MIPOL1: variants seen among roughly 807,000 people sequenced by gnomAD.
MIPOL1 encodes mirror-image polydactyly gene 1 protein.
Under a neutral mutation model 60.9 loss-of-function variants are expected in MIPOL1, and 57 were observed. The observed-to-expected ratio is 0.94, with a 90% CI of 0.76 to 1.17. MIPOL1 has a LOEUF of 1.17. Ranked by LOEUF, MIPOL1 falls within the 50% of genes most tolerant of loss-of-function variation. The probability of loss-of-function intolerance (pLI) is 0.00; values close to 1 mark genes in which losing one functional copy is unlikely to be tolerated. For synonymous variants in MIPOL1, 179 were observed against 168.8 expected (o/e 1.06, Z -0.47); for missense variants, 551 against 511.6 (o/e 1.08, Z -0.74).
chr14:37,355,883 G>T (rs945910681), intron 9 of MIPOL1, among the ~76,000 whole-genome samples: 47 of 148,234 alleles, frequency 3.2e-4, no homozygotes, highest in Non-Finnish European at 1.2e-4. Flanking sequence ...TAATTTGATC[G>T]TCTGAAGCCT....
chr14:37,413,493 TA>T (rs763120034), intron 10 of MIPOL1, among the ~76,000 whole-genome samples: 51 of 152,264 alleles, frequency 3.3e-4, no homozygotes, highest in Non-Finnish European at 5.7e-4. Flanking sequence ...CTCTTCCACT[TA>T]AAAGGATACT....
At chr14:37,453,563 G>C (rs1244746822) in intron 11 of MIPOL1, among the ~76,000 whole-genome samples, 1 of 151,862 alleles carries the variant, frequency 6.6e-6, no homozygotes, top group African/African-American at 2.4e-5. Context: ...GACCTGTTTA[G>C]CTCCATTTTT....
chr14:37,334,531 C>A (rs1435203976), intron 9 of MIPOL1, among the ~76,000 whole-genome samples: 1 of 151,842 alleles, frequency 6.6e-6, no homozygotes, highest in Non-Finnish European at 1.5e-5. Context: ...ATTCATATAC[C>A]ATTCATACCC....
intron 11 of MIPOL1, among the ~76,000 whole-genome samples, chr14:37,474,969 A>AT (rs1407360449): frequency 6.6e-6 from 1 of 150,702 alleles, no homozygotes; most frequent in East Asian, 1.9e-4. Flanking sequence ...TTTTATTTTT[A>AT]TTTTTATTTT....
chr14:37,270,537 G>C lies in MIPOL1; in HGVS notation c.493+12G>C. 2.1e-6 allele frequency: 3 copies of C among 1,441,018 alleles called. No homozygotes were observed. Among genetic ancestry groups the C allele is most frequent in the Non-Finnish European group, 2.9e-6 (3 of 1,042,040 alleles). 89.3% of individuals were successfully genotyped at this position (1,441,018 alleles called of 1,614,324 possible). A position where few individuals can be genotyped will look rare whatever the true frequency, so the allele number is the denominator to read the frequency against. Reference sequence around the variant, plus strand: ...TGAAAAGACAGCAGGTATAGTAGAGGAGTATTAACACATGGCTTGAAGAAT... The same window carrying C: ...TGAAAAGACAGCAGGTATAGTAGAGCAGTATTAACACATGGCTTGAAGAAT... On this transcript the variant is annotated intron_variant, in intron 6 of 12. Coordinates refer to ENST00000684589, the MANE Select transcript of MIPOL1 (RefSeq NM_001388067.1).
intron 1 of MIPOL1, among the ~76,000 whole-genome samples, chr14:37,235,510 T>C (rs1594645420): frequency 6.6e-6 from 1 of 152,162 alleles, no homozygotes; most frequent in Non-Finnish European, 1.5e-5. Context: ...CTAATTCTTA[T>C]AATAATAGTC....
intron 9 of MIPOL1, among the ~76,000 whole-genome samples, chr14:37,310,322 G>A (rs996531221): frequency 2.6e-5 from 4 of 152,074 alleles, no homozygotes; most frequent in Admixed American, 2.6e-4. Context: ...GTGTTGCCTG[G>A]CAACTTCTTG....
At chr14:37,226,204 T>C (rs1969704842) in intron 1 of MIPOL1, among the ~76,000 whole-genome samples, 1 of 152,190 alleles carries the variant, frequency 6.6e-6, no homozygotes, top group Non-Finnish European at 1.5e-5. Flanking sequence ...TATTACCCAG[T>C]TCCAAAGTTG....
intron 11 of MIPOL1, among the ~76,000 whole-genome samples, chr14:37,484,182 G>T (rs886935829): frequency 6.6e-6 from 1 of 151,946 alleles, no homozygotes; most frequent in Non-Finnish European, 1.5e-5. Flanking sequence ...CATTTATGTG[G>T]GTTTTCCCCA....
intron 9 of MIPOL1, among the ~76,000 whole-genome samples, chr14:37,333,021 TATA>T (rs1253072650): frequency 6.6e-6 from 1 of 152,192 alleles, no homozygotes. Flanking sequence ...ATGAAATTAT[TATA>T]GTAGTACAGT....
At position 37,491,436 on chromosome 14, in the gene MIPOL1, G is replaced by A. The variant is rs925271933; in HGVS notation, c.1032-8472G>A. On this transcript the variant is annotated intron_variant, in intron 11 of 12. Transcript: ENST00000684589. ...CTCAGCTACTCAGGAGGCTGAGGTA[G>A]TAGAATCGCTTGAACCCCAGAGGTG... is the stretch of plus-strand genomic sequence containing the variant. Among the ~76,000 whole-genome samples the A allele has an allele frequency of 7.2e-5, 11 of 152,300 alleles. No individual in the cohort carries two copies. In the South Asian group the frequency reaches 1.9e-3, roughly 26 times the overall value.
At chr14:37,297,331 A>G (rs576230983) in intron 7 of MIPOL1, among the ~76,000 whole-genome samples, 8 of 152,352 alleles carry the variant, frequency 5.3e-5, no homozygotes, top group African/African-American at 9.6e-5. Context: ...ATGTATGACA[A>G]ACCCACAGCC....
chr14:37,331,039 G>T (rs1218943808), intron 9 of MIPOL1, among the ~76,000 whole-genome samples: 2 of 151,960 alleles, frequency 1.3e-5, no homozygotes, highest in East Asian at 1.9e-4. Context: ...TTGTTCCATT[G>T]GTCTATGTGT....
At chr14:37,290,979 T>C (rs905855667) in intron 7 of MIPOL1, among the ~76,000 whole-genome samples, 1 of 152,204 alleles carries the variant, frequency 6.6e-6, no homozygotes, top group Non-Finnish European at 1.5e-5. Flanking sequence ...TTTTCTGTTC[T>C]GGCATTAGTT....
At chr14:37,274,057 G>A (rs1413735021) in intron 6 of MIPOL1, among the ~76,000 whole-genome samples, 2 of 151,302 alleles carry the variant, frequency 1.3e-5, no homozygotes, top group Non-Finnish European at 3.0e-5. Context: ...CTGAAAAATG[G>A]ACAAGCAAAA....
intron 10 of MIPOL1, among the ~76,000 whole-genome samples, chr14:37,373,301 C>A (rs2092691062): frequency 6.6e-6 from 1 of 152,116 alleles, no homozygotes; most frequent in Non-Finnish European, 1.5e-5. Context: ...CCAAGCCCAG[C>A]CTTAAACATA....
chr14:37,465,034 C>T lies in MIPOL1; in HGVS notation c.1032-34874C>T, dbSNP rs80008828. On this transcript the variant is annotated intron_variant, in intron 11 of 12. Coordinates refer to ENST00000684589, the MANE Select transcript of MIPOL1 (RefSeq NM_001388067.1). Reference sequence around the variant, plus strand: ...TGGCCTCTCCCTTGTTCTGATCTGACGTTGATCTCTGGCCAAAATTTGAGA... The same window carrying T: ...TGGCCTCTCCCTTGTTCTGATCTGATGTTGATCTCTGGCCAAAATTTGAGA... Among the ~76,000 whole-genome samples, 911 of 152,226 alleles carry T rather than the reference C, an allele frequency of 6.0e-3. 5 individuals are homozygous for T. The highest frequency in any genetic ancestry group is 0.02 in the African/African-American group (816 of 41,544).
intron 11 of MIPOL1, among the ~76,000 whole-genome samples, chr14:37,495,572 A>T (rs1566715135): frequency 6.8e-6 from 1 of 147,848 alleles, no homozygotes; most frequent in Non-Finnish European, 1.5e-5. Context: ...GCTATTGTGA[A>T]TAGTGCCACA....
intron 9 of MIPOL1, among the ~76,000 whole-genome samples, chr14:37,356,499 C>T (rs2091844232): frequency 1.3e-5 from 2 of 152,134 alleles, no homozygotes; most frequent in African/African-American, 4.8e-5. Context: ...GGCGCCCCTC[C>T]CCCAGCCTCG....
Sources: allele counts gnomAD v4.1 joint callset (sites outside exome capture counted in the v4.1 genomes callset), GRCh38; gene constraint gnomAD v4.1.1; transcripts MANE v1.5; gene names NCBI Gene and HGNC (gene_info 2026-07-23, HGNC 2026-07-21).